CTDSPL: variants seen among roughly 807,000 people sequenced by gnomAD.
CTDSPL encodes CTD small phosphatase-like protein.
A neutral mutation model predicts 30.5 loss-of-function variants in CTDSPL; 8 were observed. That is an observed-to-expected ratio of 0.26 (90% confidence interval 0.15 to 0.47). The LOEUF (loss-of-function observed/expected upper bound fraction) is 0.47, where lower values mean the gene tolerates loss of function less well. CTDSPL is among the 20% of genes least tolerant of loss of function. The pLI is 0.99. For missense variants in CTDSPL, 248 were observed against 366.1 expected (o/e 0.68, Z 2.63); for synonymous variants, 110 against 137.9 (o/e 0.80, Z 1.42).
chr3:37,947,006 C>T, intron 1 of CTDSPL, 51 bp from the exon 2 acceptor site: 1 of 1,565,418 alleles, frequency 6.4e-7, no homozygotes, highest in Non-Finnish European at 8.7e-7. Context: ...TATATTACAA[C>T]TATCAGTACA....
At chr3:37,871,297 C>A (rs924602447) in intron 1 of CTDSPL, among the ~76,000 whole-genome samples, 4 of 151,864 alleles carry the variant, frequency 2.6e-5, no homozygotes, top group South Asian at 2.1e-4. Context: ...TAACTTATTT[C>A]TTTTTAATAC....
At chr3:37,866,577 A>T (rs1415734194) in intron 1 of CTDSPL, among the ~76,000 whole-genome samples, 1 of 152,212 alleles carries the variant, frequency 6.6e-6, no homozygotes, top group Non-Finnish European at 1.5e-5. Flanking sequence ...GGAATTGAAC[A>T]ATAATAAAAC....
At chr3:37,899,768 T>C (rs1417321898) in intron 1 of CTDSPL, among the ~76,000 whole-genome samples, 6 of 152,180 alleles carry the variant, frequency 3.9e-5, no homozygotes, top group East Asian at 3.8e-4. Flanking sequence ...GCAGTTGCAA[T>C]GGAGTATTGC....
Position 37,975,825 on chromosome 3 carries a change from G to C in CTDSPL, c.636G>C (p.Gly212=). Residue 212 remains glycine, a synonymous_variant, in exon 7 of 8, where the codon GGG becomes GGC. Coordinates refer to ENST00000273179, the MANE Select transcript of CTDSPL (RefSeq NM_001008392.2). The surrounding 1 kb of genome is among the most constrained non-coding windows in gnomAD (Gnocchi z 4.9). ...GNYVKDLSRL[G]RELSKVIIVD... is the part of the protein sequence containing the mutation. ...ACGTGAAGGACCTGAGTCGCCTTGG[G>C]CGGGAGCTGAGCAAAGTGATCATTG... 6.2e-7 allele frequency: 1 copy of C among 1,614,128 alleles called. No individual in the cohort carries two copies. The highest frequency in any genetic ancestry group is 1.3e-5 in the African/African-American group (1 of 75,020).
chr3:37,869,044 G>A (rs749324052), intron 1 of CTDSPL, among the ~76,000 whole-genome samples: 2 of 151,976 alleles, frequency 1.3e-5, no homozygotes, highest in Non-Finnish European at 2.9e-5. Context: ...AACACAGTAC[G>A]TCTCTCTATT....
Position 37,947,043 on chromosome 3 carries a change from G to A in CTDSPL, c.80-14G>A, listed in dbSNP as rs1347039464. 2.3e-5 allele frequency: 37 copies of A among 1,611,138 alleles called. No homozygotes were observed. Among genetic ancestry groups the A allele is most frequent in the Non-Finnish European group, 3.1e-5 (37 of 1,178,100 alleles). On this transcript the variant is annotated splice_polypyrimidine_tract_variant and intron_variant, in intron 1 of 7. Transcript: ENST00000273179. ...GCTGCAGTTGGCCATAGTGTGCTCTGTTTCTGTTTCCAGCCTCCCAGTGCA... is the reference window on the plus strand; with the variant it reads ...GCTGCAGTTGGCCATAGTGTGCTCTATTTCTGTTTCCAGCCTCCCAGTGCA...
At chr3:37,900,499 G>C (rs1364943882) in intron 1 of CTDSPL, among the ~76,000 whole-genome samples, 1 of 152,192 alleles carries the variant, frequency 6.6e-6, no homozygotes, top group East Asian at 1.9e-4. Context: ...AGTGTGACAG[G>C]TTGTGATATT....
At position 37,983,912 on chromosome 3, in the gene CTDSPL, G is replaced by A; in HGVS notation, c.*3045G>A. On this transcript the variant is annotated 3_prime_UTR_variant, in exon 8 of 8. Transcript: ENST00000273179. ...GAGATGTCTCTGGGGACACGAGGAT[G>A]CCCTAATGATGCTGACTTGTCATGG... is the stretch of plus-strand genomic sequence containing the variant. The A allele has an allele frequency of 5.0e-6, 1 of 201,318 alleles. No homozygotes were observed. The highest frequency in any genetic ancestry group is 1.1e-5 in the Non-Finnish European group (1 of 93,982). The allele number at this position is 201,318 out of a possible 1,614,324, so 12.5% of individuals were successfully genotyped here.
intron 1 of CTDSPL, among the ~76,000 whole-genome samples, chr3:37,867,933 A>G (rs1698030194): frequency 6.6e-6 from 1 of 152,168 alleles, no homozygotes; most frequent in Admixed American, 6.5e-5. Context: ...GTCACCACAA[A>G]GGAACTCCTT....
Position 37,982,696 on chromosome 3 carries a change from A to T in CTDSPL, c.*1829A>T. On this transcript the variant is annotated 3_prime_UTR_variant, in exon 8 of 8. Coordinates refer to ENST00000273179, the MANE Select transcript of CTDSPL (RefSeq NM_001008392.2). ...CCCAGCATTCTGAGTGTTCCAAACC[A>T]GTAATCCACATGCCAATTCAAATAG... 1 of 455,432 alleles carries T rather than the reference A, an allele frequency of 2.2e-6. No individual in the cohort carries two copies. The allele number at this position is 455,432 out of a possible 1,614,324, so 28.2% of individuals were successfully genotyped here.
Sources: gnomAD v4.1 joint callset for allele counts (sites outside exome capture counted in the v4.1 genomes callset) on GRCh38, gnomAD v4.1.1 for gene constraint, Gnocchi (gnomAD v3.1) non-coding constraint, MANE v1.5 for transcripts, NCBI Gene and HGNC (gene_info 2026-07-23, HGNC 2026-07-21) for gene names.